IL1R1: variants seen among roughly 807,000 people sequenced by gnomAD.
IL1R1 encodes interleukin-1 receptor type 1.
A neutral mutation model predicts 50.2 loss-of-function variants in IL1R1; 22 were observed. The observed-to-expected ratio is 0.44, with a 90% confidence interval of 0.31 to 0.63. The LOEUF (loss-of-function observed/expected upper bound fraction) is 0.63, where lower values mean the gene tolerates loss of function less well. Ranked by LOEUF, IL1R1 falls within the 20% of genes least tolerant of loss-of-function variation. The pLI is 0.07. For missense variants in IL1R1, 509 were observed against 676.2 expected (o/e 0.75, Z 2.74); for synonymous variants, 251 against 236.7 (o/e 1.06, Z -0.55).
chr2:102,129,146 G>A (rs1216763631), intron 1 of IL1R1, among the ~76,000 whole-genome samples: 1 of 152,106 alleles, frequency 6.6e-6, no homozygotes, highest in African/African-American at 2.4e-5. Flanking sequence ...AGGAGATTGA[G>A]GCTGCAGTGA....
At chr2:102,079,383 T>C (rs1393778973) in intron 1 of IL1R1, among the ~76,000 whole-genome samples, 1 of 152,130 alleles carries the variant, frequency 6.6e-6, no homozygotes, top group Non-Finnish European at 1.5e-5. Context: ...ATTAGACTAC[T>C]AAACAAGCTC....
upstream of IL1R1, chr2:102,141,840 G>A (rs1418239651): frequency 6.6e-6 from 1 of 152,190 alleles, no homozygotes; most frequent in Admixed American, 6.5e-5. Context: ...GAAGACTAGC[G>A]AAGTGGAGGG....
At chr2:102,128,942 C>A (rs1037508767) in intron 1 of IL1R1, among the ~76,000 whole-genome samples, 3 of 152,280 alleles carry the variant, frequency 2.0e-5, no homozygotes, top group Admixed American at 1.3e-4. Flanking sequence ...TGGCTCACTC[C>A]TGTAATCCCA....
intron 1 of IL1R1, among the ~76,000 whole-genome samples, chr2:102,099,115 T>C (rs887166767): frequency 2.0e-5 from 3 of 152,130 alleles, no homozygotes; most frequent in African/African-American, 7.2e-5. Context: ...CGAGGCATTG[T>C]GATAGAGTAA....
chr2:102,071,695 A>G (rs1400497803), intron 1 of IL1R1, among the ~76,000 whole-genome samples: 4 of 152,166 alleles, frequency 2.6e-5, no homozygotes, highest in African/African-American at 7.2e-5. Flanking sequence ...TTGTTTGAAG[A>G]TTCTTTCCCT....
At chr2:102,090,194 C>A (rs1679606614) in intron 1 of IL1R1, among the ~76,000 whole-genome samples, 1 of 150,592 alleles carries the variant, frequency 6.6e-6, no homozygotes, top group East Asian at 1.9e-4. Flanking sequence ...TCCTTTGTCC[C>A]CTCCTCATCA....
At chr2:102,118,273 G>C (rs1035879512) in intron 1 of IL1R1, among the ~76,000 whole-genome samples, 11 of 152,166 alleles carry the variant, frequency 7.2e-5, no homozygotes, top group African/African-American at 2.7e-4. Flanking sequence ...CTCCAGGGCT[G>C]CTGAACATGT....
At chr2:102,139,407 T>C (rs1453643451), upstream of IL1R1, among the ~76,000 whole-genome samples, 1 of 152,234 alleles carries the variant, frequency 6.6e-6, no homozygotes, top group Non-Finnish European at 1.5e-5. Context: ...GCTATGACCC[T>C]GGTGGTGTCC....
intron 1 of IL1R1, among the ~76,000 whole-genome samples, chr2:102,099,068 A>G (rs1680024076): frequency 6.6e-6 from 1 of 152,186 alleles, no homozygotes; most frequent in Non-Finnish European, 1.5e-5. Context: ...AAATAACTAA[A>G]AAAGGCACCG....
At chr2:102,115,947 C>A (rs751225737) in intron 1 of IL1R1, among the ~76,000 whole-genome samples, 1 of 152,124 alleles carries the variant, frequency 6.6e-6, no homozygotes, top group Non-Finnish European at 1.5e-5. Flanking sequence ...GGCAGTGGAG[C>A]CTTGCATGGC....
At chr2:102,172,602 T>G in intron 8 of IL1R1, 85 bp from the exon 9 acceptor site, 2 of 1,211,530 alleles carry the variant, frequency 1.7e-6, no homozygotes, top group Non-Finnish European at 2.2e-6. Context: ...TTGTCACAAA[T>G]AAGGAAATAC....
At chr2:102,096,680 T>C (rs1009616577) in intron 1 of IL1R1, among the ~76,000 whole-genome samples, 2 of 152,070 alleles carry the variant, frequency 1.3e-5, no homozygotes, top group African/African-American at 4.8e-5. Context: ...TTTTAAATGA[T>C]GTCTTTTGGT....
Position 102,168,659 on chromosome 2 carries a change from C to T in IL1R1, c.717C>T (p.Asp239=). Reference sequence around the variant, plus strand: ...CAGCTAATGAGACAATGGAAGTAGACTTGGGTAAGTGGGCTTCAGTGAGGG... The same window carrying T: ...CAGCTAATGAGACAATGGAAGTAGATTTGGGTAAGTGGGCTTCAGTGAGGG... ...VSPANETMEV[D]LGSQIQLICN... Residue 239 remains aspartate (D), a synonymous_variant, in exon 7 of 12, where the codon GAC becomes GAT. Transcript: ENST00000410023. 1 of 1,611,380 alleles carries T rather than the reference C, an allele frequency of 6.2e-7. No homozygotes were observed.
At position 102,131,726 on chromosome 2, in the gene IL1R1, C is replaced by T. The variant is rs780715837; in HGVS notation, c.-83-22215C>T. ...AAACGGTGGGAAAATTTCAAGTCAC[C>T]AAATACACATGTAATTGGAGTCACT... is the stretch of plus-strand genomic sequence containing the variant. On this transcript the variant is annotated intron_variant, in intron 1 of 10. Coordinates refer to the IL1R1 transcript ENST00000409329. Among the ~76,000 whole-genome samples, 9 of 151,446 alleles carry T rather than the reference C, an allele frequency of 5.9e-5. No individual in the cohort carries two copies. The South Asian group carries it at 8.4e-4, about 14-fold the overall frequency.
chr2:102,139,581 G>A (rs558542623), upstream of IL1R1, among the ~76,000 whole-genome samples: 6 of 152,386 alleles, frequency 3.9e-5, no homozygotes, highest in African/African-American at 1.4e-4. Flanking sequence ...GGTGGGAGTT[G>A]TTTGGATCAT....
At chr2:102,079,752 A>C (rs1679126918) in intron 1 of IL1R1, among the ~76,000 whole-genome samples, 1 of 152,156 alleles carries the variant, frequency 6.6e-6, no homozygotes, top group Non-Finnish European at 1.5e-5. Context: ...CTCATAAAAT[A>C]CACAAGGAAA....
chr2:102,092,568 C>G (rs1043881380), intron 1 of IL1R1, among the ~76,000 whole-genome samples: 1 of 151,926 alleles, frequency 6.6e-6, no homozygotes, highest in African/African-American at 2.4e-5. Context: ...GGGATTTTTC[C>G]CTATTCATTT....
chr2:102,077,269 C>T (rs1679009352), intron 1 of IL1R1, among the ~76,000 whole-genome samples: 1 of 152,094 alleles, frequency 6.6e-6, no homozygotes, highest in South Asian at 2.1e-4. Flanking sequence ...TGGGGTTTTG[C>T]CATTTTGGCC....
intron 1 of IL1R1, among the ~76,000 whole-genome samples, chr2:102,106,926 A>G (rs750070437): frequency 2.8e-4 from 42 of 152,146 alleles, no homozygotes; most frequent in Non-Finnish European, 4.6e-4. Context: ...ACAGTACTAC[A>G]ACTAACACCC....
Sources: allele counts gnomAD v4.1 joint callset (sites outside exome capture counted in the v4.1 genomes callset), GRCh38; gene constraint gnomAD v4.1.1; transcripts MANE v1.5; gene names NCBI Gene and HGNC (gene_info 2026-07-23, HGNC 2026-07-21).